The following ST6GALNAC2 variants were observed in gnomAD, a reference collection of about 807,000 sequenced individuals.
The protein encoded by ST6GALNAC2 is ST6 N-acetylgalactosaminide alpha-2,6-sialyltransferase 2, also known as alpha-N-acetylgalactosaminide alpha-2,6-sialyltransferase 2.
ST6GALNAC2 carries 42 observed loss-of-function variants against 38.7 expected under a neutral mutation model. That is an observed-to-expected ratio of 1.09 (90% CI 0.85 to 1.40). The LOEUF (loss-of-function observed/expected upper bound fraction) is 1.40, where lower values mean the gene tolerates loss of function less well. Among genes scored for constraint, ST6GALNAC2 ranks in the 40% most tolerant of loss-of-function variants. ST6GALNAC2 has a pLI of 0.00. For missense variants in ST6GALNAC2, 506 were observed against 481.7 expected (o/e 1.05, Z -0.47); for synonymous variants, 233 against 209.0 (o/e 1.11, Z -0.99).
chr17:76,566,453 G>A lies in ST6GALNAC2; in HGVS notation c.958-182C>T, dbSNP rs567679272. Among the ~76,000 whole-genome samples, 10 of 152,278 alleles carry A rather than the reference G, an allele frequency of 6.6e-5. No individual in the cohort carries two copies. In the South Asian group the frequency reaches 1.0e-3, roughly 16 times the overall value. On this transcript the variant is annotated intron_variant, in intron 8 of 8. Transcript: ENST00000225276. The stretch of plus-strand genomic sequence containing the variant: ...GGGGTGACTCACTGTGTCCCCACTT[G>A]GCATAGCTGGTGATTGCCAGAGCTG...
chr17:76,570,500 G>C, intron 6 of ST6GALNAC2, 65 bp downstream of exon 6: 1 of 1,183,350 alleles, frequency 8.5e-7, no homozygotes, highest in Non-Finnish European at 1.2e-6. Context: ...GGAGCAAAAA[G>C]GAGATAACCA....
At chr17:76,566,480 A>G (rs1002355306) in intron 8 of ST6GALNAC2, among the ~76,000 whole-genome samples, 1 of 152,040 alleles carries the variant, frequency 6.6e-6, no homozygotes, top group Non-Finnish European at 1.5e-5. Context: ...CCAGAGCTGG[A>G]TTTGGAACTC....
chr17:76,572,597 C>A (rs373672726), intron 5 of ST6GALNAC2, 40 bp downstream of exon 5: 3 of 1,611,666 alleles, frequency 1.9e-6, no homozygotes, highest in Non-Finnish European at 2.5e-6. Context: ...AACAATGGTG[C>A]CATTGTCAAC....
intron 1 of ST6GALNAC2, 100 bp downstream of exon 1, chr17:76,585,584 G>A: frequency 1.5e-6 from 2 of 1,329,762 alleles, no homozygotes; most frequent in Non-Finnish European, 9.7e-7. Flanking sequence ...CGCGGAGGTT[G>A]GGCTGAGGGC....
rs2075282958 is a variant in ST6GALNAC2, at chr17:76,566,361, C to T, written c.958-90G>A. On this transcript the variant is annotated intron_variant, in intron 8 of 8. Coordinates refer to ENST00000225276, the MANE Select transcript of ST6GALNAC2 (RefSeq NM_006456.3). ...AAGTGACATGAGTTTAGAAAGGTGTCCGTCTGCTGAGGTGAGGATAATGGT... is the reference window on the plus strand; with the variant it reads ...AAGTGACATGAGTTTAGAAAGGTGTTCGTCTGCTGAGGTGAGGATAATGGT... The T allele has an allele frequency of 6.4e-6, 9 of 1,403,734 alleles. No homozygotes were observed. In the Admixed American group the frequency reaches 1.4e-4, roughly 22 times the overall value. The allele number at this position is 1,403,734 out of a possible 1,614,324, so 87.0% of individuals were successfully genotyped here.
At chr17:76,582,338 AT>A (rs71158026) in intron 1 of ST6GALNAC2, among the ~76,000 whole-genome samples, 9,140 of 115,290 alleles carry the variant, frequency 0.079, 920 homozygotes, top group African/African-American at 0.24. Context: ...ATGCCTGGCT[AT>A]TTTTTTTTTT....
Position 76,567,444 on chromosome 17 carries a change from G to T in ST6GALNAC2, c.957+9C>A. On this transcript the variant is annotated intron_variant, in intron 8 of 8. Transcript: ENST00000225276. Reference sequence around the variant, plus strand: ...CCGGCATGGGCTTCTGGAAGAGAAGGCCTCTTACCTGGTCACAGGTATGCA... The same window carrying T: ...CCGGCATGGGCTTCTGGAAGAGAAGTCCTCTTACCTGGTCACAGGTATGCA... The T allele has an allele frequency of 6.2e-7, 1 of 1,601,100 alleles. No homozygotes were observed.
chr17:76,568,927 C>A, intron 6 of ST6GALNAC2, 131 bp from the exon 7 acceptor site: 1 of 772,962 alleles, frequency 1.3e-6, no homozygotes, highest in Non-Finnish European at 2.2e-6. Flanking sequence ...GGAGTAGTAG[C>A]GGGAGAAGGG....
chr17:76,575,177 G>A (rs1323772984), intron 2 of ST6GALNAC2, among the ~76,000 whole-genome samples: 1 of 152,186 alleles, frequency 6.6e-6, no homozygotes. Context: ...TGGTGGAGTA[G>A]TTTCAGCCTG....
At chr17:76,566,797 G>T (rs911638537) in intron 8 of ST6GALNAC2, among the ~76,000 whole-genome samples, 1 of 151,992 alleles carries the variant, frequency 6.6e-6, no homozygotes, top group Admixed American at 6.6e-5. Flanking sequence ...TCACACCACT[G>T]CACTTAAGCC....
chr17:76,567,623 A>C, intron 7 of ST6GALNAC2, 71 bp from the exon 8 acceptor site: 1 of 1,070,488 alleles, frequency 9.3e-7, no homozygotes, highest in South Asian at 1.3e-5. Flanking sequence ...CTACACATTC[A>C]AATAGGTGGG....
chr17:76,578,567 T>C (rs942463947), intron 2 of ST6GALNAC2, among the ~76,000 whole-genome samples, 189 bp downstream of exon 2: 4 of 152,184 alleles, frequency 2.6e-5, no homozygotes, highest in African/African-American at 9.7e-5. Context: ...TCTCTGCTGT[T>C]GGGCCACAAG....
chr17:76,578,534 A>T (rs567742485), intron 2 of ST6GALNAC2, among the ~76,000 whole-genome samples: 1 of 152,170 alleles, frequency 6.6e-6, no homozygotes, highest in South Asian at 2.1e-4. Flanking sequence ...GCTACACCCC[A>T]TGAGTACATA....
At chr17:76,580,719 C>CA (rs113839089) in intron 1 of ST6GALNAC2, among the ~76,000 whole-genome samples, 42,445 of 110,044 alleles carry the variant, frequency 0.39, 7,102 homozygotes, top group African/African-American at 0.5. Flanking sequence ...GACTCCATCT[C>CA]AAAAAAAAAA....
At chr17:76,575,107 C>T (rs2075400804) in intron 2 of ST6GALNAC2, among the ~76,000 whole-genome samples, 1 of 152,196 alleles carries the variant, frequency 6.6e-6, no homozygotes, top group Non-Finnish European at 1.5e-5. Context: ...ACTCCTTCAT[C>T]TCACGCTTGA....
rs2143300625 is a variant in ST6GALNAC2 at position 76,573,034 on chromosome 17, A to T, written c.530+161T>A. 6.6e-6 allele frequency among the ~76,000 whole-genome samples: 1 copy of T among 152,222 alleles called. No individual in the cohort carries two copies. The highest frequency in any genetic ancestry group is 1.9e-4 in the East Asian group (1 of 5,170). On this transcript the variant is annotated intron_variant, in intron 4 of 8. Coordinates refer to ENST00000225276, the MANE Select transcript of ST6GALNAC2 (RefSeq NM_006456.3). This position sits in a 1 kb window ranked among gnomAD's most constrained non-coding sequence, Gnocchi z 5.1. ...GCATGGGCACCCATGCTCCGTCCTC[A>T]GGGCCTACTGTTTGTTTTTGCCTTG...
Position 76,565,655 on chromosome 17 carries a change from G to T in ST6GALNAC2, c.*449C>A, listed in dbSNP as rs2075270189. Reference sequence around the variant, plus strand: ...GGCTTTTTTCTCCCACTTTATTATGGAGCAGAAGTAAGCCTATCATGTTCT... The same window carrying T: ...GGCTTTTTTCTCCCACTTTATTATGTAGCAGAAGTAAGCCTATCATGTTCT... On this transcript the variant is annotated 3_prime_UTR_variant, in exon 9 of 9. Transcript: ENST00000225276. 1 of 155,568 alleles carries T rather than the reference G, an allele frequency of 6.4e-6. No homozygotes were observed. Among genetic ancestry groups the T allele is most frequent in the Admixed American group, 6.4e-5 (1 of 15,714 alleles). The allele number at this position is 155,568 out of a possible 1,614,324, so 9.6% of individuals were successfully genotyped here. A position where few individuals can be genotyped will look rare whatever the true frequency, so the allele number is the denominator to read the frequency against.
chr17:76,585,573 A>G (rs2075535592), intron 1 of ST6GALNAC2, 111 bp downstream of exon 1: 18 of 1,258,318 alleles, frequency 1.4e-5, no homozygotes, highest in Admixed American at 7.1e-5. Context: ...AGAGGGGTCC[A>G]CGCGGAGGTT....
intron 5 of ST6GALNAC2, chr17:76,571,373 C>T: frequency 6.6e-6 from 1 of 152,380 alleles, no homozygotes; most frequent in Non-Finnish European, 1.5e-5. Flanking sequence ...GCAGACGGAT[C>T]ATTTGAGGTC....
Sources: gnomAD v4.1 joint callset for allele counts (sites outside exome capture counted in the v4.1 genomes callset) on GRCh38, gnomAD v4.1.1 for gene constraint, Gnocchi (gnomAD v3.1) non-coding constraint, MANE v1.5 for transcripts, NCBI Gene and HGNC (gene_info 2026-07-23, HGNC 2026-07-21) for gene names.